FAM47E: variants seen among roughly 807,000 people sequenced by gnomAD.
FAM47E encodes the protein protein FAM47E.
In FAM47E, 32 loss-of-function variants were observed where a neutral mutation model predicts 41.6. The observed-to-expected ratio is 0.77, with a 90% CI of 0.58 to 1.03. FAM47E has a LOEUF of 1.03. Ranked by LOEUF, FAM47E falls within the 50% of genes least tolerant of loss-of-function variation. FAM47E has a pLI of 0.00. For missense variants in FAM47E, 424 were observed against 485.4 expected (o/e 0.87, Z 1.19); for synonymous variants, 184 against 188.7 (o/e 0.98, Z 0.20).
chr4:76,277,923 C>A, intron 5 of FAM47E, 146 bp from the exon 6 acceptor site: 1 of 966,126 alleles, frequency 1.0e-6, no homozygotes, highest in Non-Finnish European at 1.4e-6. Context: ...AAAATCAAAG[C>A]ATGCTGAAAC....
At chr4:76,217,704 C>T (rs1299916021) in intron 2 of FAM47E, 2 of 569,734 alleles carry the variant, frequency 3.5e-6, no homozygotes, top group East Asian at 3.0e-5. Context: ...GTTATAGCAA[C>T]ACAAACAGAC....
intron 2 of FAM47E, among the ~76,000 whole-genome samples, chr4:76,229,685 A>C (rs12506229): frequency 6.6e-6 from 1 of 152,082 alleles, no homozygotes; most frequent in Non-Finnish European, 1.5e-5. Context: ...CTGTGATGTG[A>C]TCCATCTTCA....
chr4:76,262,990 C>T (rs749471956), intron 2 of FAM47E, among the ~76,000 whole-genome samples: 24 of 151,978 alleles, frequency 1.6e-4, no homozygotes, highest in Non-Finnish European at 2.5e-4. Context: ...TGGTCTCAAA[C>T]TCCTGGCCTC....
intron 1 of FAM47E, among the ~76,000 whole-genome samples, chr4:76,216,930 G>A (rs1170416780): frequency 2.6e-5 from 4 of 152,222 alleles, no homozygotes; most frequent in Admixed American, 6.5e-5. Flanking sequence ...TCTTATCACC[G>A]AGGCTGGCAT....
chr4:76,253,588 C>T (rs1734063127), intron 1 of FAM47E, among the ~76,000 whole-genome samples: 1 of 152,062 alleles, frequency 6.6e-6, no homozygotes, highest in Non-Finnish European at 1.5e-5. Flanking sequence ...GAGGAAAGCC[C>T]TCCCTTTACA....
chr4:76,257,739 C>G (rs1012894520), intron 2 of FAM47E, among the ~76,000 whole-genome samples: 2 of 152,012 alleles, frequency 1.3e-5, no homozygotes, highest in African/African-American at 2.4e-5. Context: ...ATTGGAGAGG[C>G]CTGTATAAAA....
chr4:76,237,291 G>C (rs1264445968), intron 2 of FAM47E, among the ~76,000 whole-genome samples: 3 of 151,418 alleles, frequency 2.0e-5, no homozygotes, highest in African/African-American at 7.3e-5. Flanking sequence ...CATGCCTCAG[G>C]TTTAATTTTA....
intron 2 of FAM47E, 140 bp from the exon 3 acceptor site, chr4:76,263,564 A>G: frequency 1.0e-6 from 1 of 975,270 alleles, no homozygotes. Context: ...CCAGCATAAT[A>G]CTTGGCACAG....
At chr4:76,264,209 G>A (rs1734536412) in intron 3 of FAM47E, among the ~76,000 whole-genome samples, 1 of 151,992 alleles carries the variant, frequency 6.6e-6, no homozygotes, top group Non-Finnish European at 1.5e-5. Flanking sequence ...CATACTTTTG[G>A]GGTATCATCC....
At chr4:76,260,983 C>CAA (rs574495962) in intron 2 of FAM47E, among the ~76,000 whole-genome samples, 15 of 127,134 alleles carry the variant, frequency 1.2e-4, no homozygotes, top group Admixed American at 4.1e-4. Context: ...GACCCTGTCT[C>CAA]AAAAAAAAAA....
At chr4:76,240,859 G>A (rs1300920117) in intron 2 of FAM47E, among the ~76,000 whole-genome samples, 5 of 151,998 alleles carry the variant, frequency 3.3e-5, no homozygotes, top group South Asian at 2.1e-4. Context: ...CTTTAAGACA[G>A]TTGTTTTAAA....
At position 76,263,759 on chromosome 4, in the gene FAM47E, G is replaced by A; in HGVS notation, c.476G>A (p.Trp159Ter). 1 of 1,551,628 alleles carries A rather than the reference G, an allele frequency of 6.4e-7. No homozygotes were observed. The highest frequency in any genetic ancestry group is 8.7e-7 in the Non-Finnish European group (1 of 1,146,892). The change falls in exon 3 of 8, where the codon TGG (tryptophan) becomes TAG (stop). Residue 159 changes from tryptophan (W) to a stop codon, truncating the protein, a stop_gained. Coordinates refer to ENST00000424749, the MANE Select transcript of FAM47E (RefSeq NM_001136570.3). LOFTEE classifies it high-confidence loss of function. ...LDPDRKLEDT[W>*]AYCQDTRKGM... Reference sequence around the variant, plus strand: ...CCTGACCGGAAGCTGGAGGACACATGGGCTTATTGTCAGGACACCAGGAAA... The same window carrying A: ...CCTGACCGGAAGCTGGAGGACACATAGGCTTATTGTCAGGACACCAGGAAA...
chr4:76,233,570 C>T (rs1476788324), intron 2 of FAM47E, among the ~76,000 whole-genome samples: 1 of 87,924 alleles, frequency 1.1e-5, no homozygotes, highest in Non-Finnish European at 2.3e-5. Context: ...TTTTTACAGA[C>T]ATCACACACA....
At chr4:76,228,204 G>A (rs746768417) in intron 2 of FAM47E, among the ~76,000 whole-genome samples, 5 of 151,972 alleles carry the variant, frequency 3.3e-5, no homozygotes, top group Admixed American at 6.6e-5. Context: ...CCAGCTGGGC[G>A]CAGTGGCTCA....
intron 2 of FAM47E, among the ~76,000 whole-genome samples, chr4:76,225,502 A>G (rs1172740790): frequency 1.3e-5 from 2 of 152,172 alleles, no homozygotes; most frequent in Non-Finnish European, 2.9e-5. Context: ...TTCCCCATTC[A>G]GTATAATGTT....
upstream of FAM47E, among the ~76,000 whole-genome samples, chr4:76,246,794 C>T (rs1426215683): frequency 6.6e-6 from 1 of 152,102 alleles, no homozygotes; most frequent in Admixed American, 6.5e-5. Context: ...ATACTCTTGA[C>T]GTCTGGCTTC....
chr4:76,225,939 A>G (rs1019439574), intron 2 of FAM47E, among the ~76,000 whole-genome samples: 21 of 152,294 alleles, frequency 1.4e-4, no homozygotes, highest in African/African-American at 4.6e-4. Flanking sequence ...ATTCTCTATC[A>G]TTGGAATAGT....
At chr4:76,245,743 C>T (rs1321388175) in intron 2 of FAM47E, among the ~76,000 whole-genome samples, 1 of 152,140 alleles carries the variant, frequency 6.6e-6, no homozygotes, top group Non-Finnish European at 1.5e-5. Flanking sequence ...CTCTTCATGG[C>T]CCACTGTTCA....
At chr4:76,265,816 T>C (rs1183529998) in intron 3 of FAM47E, among the ~76,000 whole-genome samples, 2 of 152,172 alleles carry the variant, frequency 1.3e-5, no homozygotes, top group African/African-American at 4.8e-5. Flanking sequence ...AACACATATA[T>C]CTGATGAACC....
Sources: allele counts gnomAD v4.1 joint callset (sites outside exome capture counted in the v4.1 genomes callset), GRCh38; gene constraint gnomAD v4.1.1; transcripts MANE v1.5; gene names NCBI Gene and HGNC (gene_info 2026-07-23, HGNC 2026-07-21).